Variants in IPO11 observed in about 807,000 individuals in gnomAD.
IPO11 encodes the protein importin 11.
In IPO11, 66 loss-of-function variants were observed where a neutral mutation model predicts 143.2. That is an observed-to-expected ratio of 0.46 (90% CI 0.38 to 0.57). IPO11 has a LOEUF of 0.57. IPO11 is among the 20% of genes least tolerant of loss of function. The pLI is 0.00. For synonymous variants in IPO11, 385 were observed against 377.8 expected (o/e 1.02, Z -0.22); for missense variants, 1,026 against 1,141.0 (o/e 0.90, Z 1.45).
Position 62,531,163 on chromosome 5 carries a change from A to G in IPO11, c.2089+378A>G, listed in dbSNP as rs114253204. ...ATTTAATCCCTAATATTGACAAATA[A>G]GTCTGTTGGTGTTGTTTGTTTTGTT... On this transcript the variant is annotated intron_variant, in intron 22 of 29. Transcript: ENST00000325324. Among the ~76,000 whole-genome samples the G allele has an allele frequency of 6.0e-3, 916 of 152,218 alleles. 5 individuals are homozygous for G. Among genetic ancestry groups the G allele is most frequent in the Admixed American group, 0.01 (157 of 15,284 alleles).
Position 62,564,585 on chromosome 5 carries a change from AT to A in IPO11, c.2582+3334del, listed in dbSNP as rs376227269. 8.9e-3 allele frequency among the ~76,000 whole-genome samples: 1,349 copies of A among 152,092 alleles called. 10 individuals are homozygous for A. Among genetic ancestry groups the A allele is most frequent in the Non-Finnish European group, 0.015 (997 of 67,974 alleles). On this transcript the variant is annotated intron_variant, in intron 27 of 29. Coordinates refer to ENST00000325324, the MANE Select transcript of IPO11 (RefSeq NM_016338.5). ...TGATGGCATTTGGGTCCAGATGATA[AT>A]TTTTTGTGGGAGGGTGTCCTGTGCA...
intron 2 of IPO11, among the ~76,000 whole-genome samples, 179 bp from the exon 3 acceptor site, chr5:62,442,804 C>T (rs745375889): frequency 3.9e-5 from 6 of 152,060 alleles, no homozygotes; most frequent in Non-Finnish European, 7.3e-5. Context: ...GCGGAGGTTG[C>T]AGTGAGCCGA....
chr5:62,604,579 C>T (rs1745632968), intron 29 of IPO11, among the ~76,000 whole-genome samples: 1 of 152,098 alleles, frequency 6.6e-6, no homozygotes, highest in African/African-American at 2.4e-5. Flanking sequence ...TAAGTATAGC[C>T]TAACATTTGT....
chr5:62,608,214 G>C (rs1418674588), intron 29 of IPO11, among the ~76,000 whole-genome samples: 2 of 152,092 alleles, frequency 1.3e-5, no homozygotes, highest in Admixed American at 6.5e-5. Context: ...TCTTTTGGTA[G>C]ATCTATTTTG....
At chr5:62,541,909 A>G (rs923239783) in intron 24 of IPO11, among the ~76,000 whole-genome samples, 9 of 152,098 alleles carry the variant, frequency 5.9e-5, no homozygotes, top group Admixed American at 1.3e-4. Context: ...TAGGATACAG[A>G]TACTTGAATT....
intron 6 of IPO11, 93 bp from the exon 7 acceptor site, chr5:62,470,157 C>A: frequency 8.2e-7 from 1 of 1,215,948 alleles, no homozygotes; most frequent in African/African-American, 1.5e-5. Context: ...AACCTCCAAG[C>A]TTGATTAAGT....
chr5:62,561,263 G>A lies in IPO11; in HGVS notation c.2582+6G>A. On this transcript the variant is annotated splice_donor_region_variant and intron_variant, in intron 27 of 29. Transcript: ENST00000325324. The stretch of plus-strand genomic sequence containing the variant: ...CTTCTGCCATCTGATAATAGGTGAG[G>A]AAATGTTTTCTTAAAATTTGTTTCT... The A allele has an allele frequency of 7.0e-7, 1 of 1,435,120 alleles. No individual in the cohort carries two copies. The highest frequency in any genetic ancestry group is 9.2e-7 in the Non-Finnish European group (1 of 1,081,858). 88.9% of individuals were successfully genotyped at this position (1,435,120 alleles called of 1,614,324 possible). A position where few individuals can be genotyped will look rare whatever the true frequency, so the allele number is the denominator to read the frequency against.
At chr5:62,519,232 A>G (rs1225010057) in intron 20 of IPO11, among the ~76,000 whole-genome samples, 1 of 152,168 alleles carries the variant, frequency 6.6e-6, no homozygotes, top group Non-Finnish European at 1.5e-5. Context: ...AATGCAGTAC[A>G]TTTTATTTTT....
intron 19 of IPO11, among the ~76,000 whole-genome samples, chr5:62,513,587 C>CGGCTGGCTGGGCAGAG (rs1741874437): frequency 7.8e-6 from 1 of 127,766 alleles, no homozygotes; most frequent in South Asian, 2.6e-4. Flanking sequence ...GCTGGGCAGA[C>CGGCTGGCTGGGCAGAG]GGGCTCCTGG....
chr5:62,545,608 T>A (rs1743141528), intron 24 of IPO11, among the ~76,000 whole-genome samples: 1 of 152,152 alleles, frequency 6.6e-6, no homozygotes, highest in African/African-American at 2.4e-5. Flanking sequence ...TGGTATCTAA[T>A]TAAACTAAAG....
chr5:62,490,014 A>G (rs183077485), intron 14 of IPO11, 101 bp from the exon 15 acceptor site: 1 of 525,514 alleles, frequency 1.9e-6, no homozygotes. Context: ...TTCCCTGATT[A>G]GCATATTGTG....
intron 27 of IPO11, among the ~76,000 whole-genome samples, chr5:62,577,767 A>G (rs1744373235): frequency 1.3e-5 from 2 of 152,116 alleles, no homozygotes; most frequent in Non-Finnish European, 2.9e-5. Flanking sequence ...CAGCTTTCTA[A>G]TATGGACATA....
intron 26 of IPO11, among the ~76,000 whole-genome samples, chr5:62,553,678 C>T (rs1743472653): frequency 6.6e-6 from 1 of 151,334 alleles, no homozygotes; most frequent in Non-Finnish European, 1.5e-5. Flanking sequence ...TTGATAATAG[C>T]CATTCTAACT....
intron 26 of IPO11, chr5:62,560,601 C>G (rs1404202844): frequency 6.6e-6 from 1 of 152,244 alleles, no homozygotes; most frequent in African/African-American, 2.4e-5. Flanking sequence ...TTAGCCATCA[C>G]ATTCTGTATT....
chr5:62,491,643 G>A (rs908552880), intron 15 of IPO11, among the ~76,000 whole-genome samples: 2 of 151,570 alleles, frequency 1.3e-5, no homozygotes, highest in African/African-American at 2.4e-5. Context: ...TGGATATATT[G>A]GGATATGTAA....
chr5:62,615,945 T>C (rs1218841472), intron 29 of IPO11, among the ~76,000 whole-genome samples: 1 of 152,020 alleles, frequency 6.6e-6, no homozygotes, highest in African/African-American at 2.4e-5. Flanking sequence ...ATCTGGTTAT[T>C]TAACACATGA....
chr5:62,490,989 A>G (rs1016111243), intron 15 of IPO11, among the ~76,000 whole-genome samples: 1 of 152,210 alleles, frequency 6.6e-6, no homozygotes, highest in Non-Finnish European at 1.5e-5. Context: ...TGAATGCATA[A>G]AATGAAAGGA....
At chr5:62,566,951 C>T (rs1437751297) in intron 27 of IPO11, among the ~76,000 whole-genome samples, 2 of 152,094 alleles carry the variant, frequency 1.3e-5, no homozygotes, top group Non-Finnish European at 2.9e-5. Flanking sequence ...CCTCAGCCTC[C>T]TGAGTAGCTG....
intron 26 of IPO11, among the ~76,000 whole-genome samples, chr5:62,551,582 T>C (rs1743391732): frequency 6.6e-6 from 1 of 152,230 alleles, no homozygotes; most frequent in Non-Finnish European, 1.5e-5. Context: ...TAGAATATAA[T>C]GTTGATTTGT....
Sources: gnomAD v4.1 joint callset for allele counts (sites outside exome capture counted in the v4.1 genomes callset) on GRCh38, gnomAD v4.1.1 for gene constraint, MANE v1.5 for transcripts, NCBI Gene and HGNC (gene_info 2026-07-23, HGNC 2026-07-21) for gene names.